Variants in INTS1 observed in about 807,000 individuals in gnomAD.
INTS1 encodes the protein integrator complex subunit 1.
A neutral mutation model predicts 241.6 loss-of-function variants in INTS1; 137 were observed. That is an observed-to-expected ratio of 0.57 (90% CI 0.49 to 0.65). The LOEUF is 0.65. Among genes scored for constraint, INTS1 ranks in the 30% least tolerant of loss-of-function variants. The pLI is 0.00. For missense variants in INTS1, 3,073 were observed against 3,032.2 expected (o/e 1.01, Z -0.32); for synonymous variants, 1,692 against 1,337.8 (o/e 1.26, Z -5.78).
intron 42 of INTS1, 28 bp from the exon 43 acceptor site, chr7:1,473,212 G>A (rs770095168): frequency 1.3e-6 from 2 of 1,530,486 alleles, no homozygotes; most frequent in Non-Finnish European, 1.8e-6. Context: ...TTTCACCTGG[G>A]AGGAAGACGC....
intron 43 of INTS1, 142 bp from the exon 44 acceptor site, chr7:1,472,528 G>C: frequency 3.3e-6 from 2 of 603,010 alleles, no homozygotes; most frequent in South Asian, 4.1e-5. Context: ...TCCACAAATG[G>C]GGTGGAGCCA....
rs1488171483 is a variant in INTS1, at chr7:1,473,092, C to G, written c.6050G>C (p.Gly2017Ala). The change falls in exon 43 of 48, where the codon GGC becomes GCC. Residue 2017 changes from glycine to alanine, a missense_variant. Coordinates refer to ENST00000404767, the MANE Select transcript of INTS1 (RefSeq NM_001080453.3). Reference protein sequence around the residue: ...LPSRDDRTDRGLDEEGEEESS... With the variant: ...LPSRDDRTDRALDEEGEEESS... ...CTCACCCTCGCCCTCTTCGTCCAGG[C>G]CTCGGTCGGTCCTGTCGTCCCTGCT... 6.2e-7 allele frequency: 1 copy of G among 1,609,496 alleles called. No homozygotes were observed. The highest frequency in any genetic ancestry group is 8.5e-7 in the Non-Finnish European group (1 of 1,177,676).
intron 3 of INTS1, chr7:1,500,874 AC>A: frequency 6.5e-6 from 1 of 154,350 alleles, no homozygotes; most frequent in Non-Finnish European, 1.4e-5. Context: ...TCTGAGGAGC[AC>A]CAGGGCCAGC....
intron 31 of INTS1, 77 bp from the exon 32 acceptor site, chr7:1,478,962 C>A (rs1243166495): frequency 1.4e-6 from 2 of 1,476,622 alleles, no homozygotes; most frequent in Non-Finnish European, 9.1e-7. Flanking sequence ...CAGAGCAGGG[C>A]CCGTGAGGCT....
At position 1,475,442 on chromosome 7, in the gene INTS1, G is replaced by GA. The variant is rs560387498; in HGVS notation, c.5502+505dup. 5.9e-5 allele frequency among the ~76,000 whole-genome samples: 9 copies of GA among 152,078 alleles called. No homozygotes were observed. In the East Asian group the frequency reaches 1.6e-3, roughly 26 times the overall value. On this transcript the variant is annotated intron_variant, in intron 39 of 47. Coordinates refer to ENST00000404767, the MANE Select transcript of INTS1 (RefSeq NM_001080453.3). ...TCAACAAATAAAATGACATATAAGTGAAAAAAACCACAAGCAGAAATGATT... is the reference window on the plus strand; with the variant it reads ...TCAACAAATAAAATGACATATAAGTGAAAAAAAACCACAAGCAGAAATGATT...
intron 39 of INTS1, 42 bp downstream of exon 39, chr7:1,475,906 C>A (rs1387829244): frequency 2.0e-6 from 3 of 1,520,876 alleles, no homozygotes; most frequent in South Asian, 2.4e-5. Context: ...CCGGCCAGGG[C>A]ACCTGGGACG....
Position 1,481,372 on chromosome 7 carries a change from G to T in INTS1, c.3820C>A (p.Gln1274Lys). The part of the protein sequence containing the change: ...FLDQAVAHDP[Q>K]TLEQNIMDKN... ...TCCATGATGTTCTGCTCCAGAGTCT[G>T]GGGGTCGTGGGCCACTGCCTGGTCC... The change falls in exon 28 of 48, where the codon CAG becomes AAG. Residue 1274 changes from glutamine (Q) to lysine (K), a missense_variant. Transcript: ENST00000404767. The surrounding 1 kb of genome is among the most constrained non-coding windows in gnomAD (Gnocchi z 6.8). 1 of 1,613,030 alleles carries T rather than the reference G, an allele frequency of 6.2e-7. No homozygotes were observed. The highest frequency in any genetic ancestry group is 8.5e-7 in the Non-Finnish European group (1 of 1,179,764).
chr7:1,480,270 A>G (rs1480010019), intron 30 of INTS1, 47 bp downstream of exon 30: 4 of 1,563,012 alleles, frequency 2.6e-6, no homozygotes, highest in Non-Finnish European at 3.5e-6. Flanking sequence ...GGCTGCACGC[A>G]GGAAGAGGGG....
intron 14 of INTS1, among the ~76,000 whole-genome samples, chr7:1,494,271 C>T (rs912914256): frequency 6.6e-6 from 1 of 152,248 alleles, no homozygotes; most frequent in Non-Finnish European, 1.5e-5. Flanking sequence ...ATAACCCCTA[C>T]ACCTCCAAAG....
At position 1,474,234 on chromosome 7, in the gene INTS1, G is replaced by T. The variant is rs763171465; in HGVS notation, c.5763C>A (p.His1921Gln). 1.9e-6 allele frequency: 3 copies of T among 1,602,174 alleles called. No individual in the cohort carries two copies. The highest frequency in any genetic ancestry group is 2.6e-6 in the Non-Finnish European group (3 of 1,175,958). The part of the protein sequence containing the change: ...VLGLLELLQP[H>Q]VFRSEHQGAL... Reference sequence around the variant, plus strand: ...CCCCCTGGTGCTCGCTGCGGAACACGTGCGGCTGCAGCAGCTCCAGCAGGC... The same window carrying T: ...CCCCCTGGTGCTCGCTGCGGAACACTTGCGGCTGCAGCAGCTCCAGCAGGC... The change falls in exon 41 of 48, where the codon CAC becomes CAA. Residue 1921 changes from histidine to glutamine, a missense_variant. Transcript: ENST00000404767.
intron 36 of INTS1, 44 bp from the exon 37 acceptor site, chr7:1,476,701 A>G: frequency 6.2e-7 from 1 of 1,611,964 alleles, no homozygotes; most frequent in South Asian, 1.1e-5. Context: ...GTCTCGTCTC[A>G]GCATGGGAGA....
rs183617720 is a variant in INTS1, at chr7:1,504,173, G to A, written c.-42+150C>T. On this transcript the variant is annotated intron_variant, in intron 1 of 47. Coordinates refer to ENST00000404767, the MANE Select transcript of INTS1 (RefSeq NM_001080453.3). ...GGGACCCCGCCTCCCAGCCGCCCGGGAGCGGCTCAGTCGGGCGGCAGCAGG... is the reference window on the plus strand; with the variant it reads ...GGGACCCCGCCTCCCAGCCGCCCGGAAGCGGCTCAGTCGGGCGGCAGCAGG... 6.8e-3 allele frequency: 3,671 copies of A among 538,594 alleles called. 121 individuals are homozygous for A. Among genetic ancestry groups the A allele is most frequent in the African/African-American group, 0.066 (3,227 of 49,036 alleles). 33.4% of individuals were successfully genotyped at this position (538,594 alleles called of 1,614,324 possible). A position where few individuals can be genotyped will look rare whatever the true frequency, so the allele number is the denominator to read the frequency against.
chr7:1,476,961 A>G, intron 35 of INTS1, 43 bp from the exon 36 acceptor site: 1 of 1,582,812 alleles, frequency 6.3e-7, no homozygotes, highest in Non-Finnish European at 8.6e-7. Context: ...ACCTGGGCCA[A>G]TGGCAGGCTC....
chr7:1,477,346 G>A (rs1170788080), intron 35 of INTS1, among the ~76,000 whole-genome samples: 1 of 152,202 alleles, frequency 6.6e-6, no homozygotes, highest in African/African-American at 2.4e-5. Context: ...TGGTCCACAG[G>A]TGACTGTGAC....
rs769783214 is a variant in INTS1, at chr7:1,483,953, AGCCGTAGACCTCCTCGCCCTCACCCG to A, written c.3429+24_3429+49del. 166 of 1,590,336 alleles carry A rather than the reference AGCCGTAGACCTCCTCGCCCTCACCCG, an allele frequency of 1.0e-4. 2 individuals carry two copies. The highest frequency in any genetic ancestry group is 3.4e-4 in the Middle Eastern group (2 of 5,800). ...CCGAGCGTGCCGTGCAGCCTCACCC[AGCCGTAGACCTCCTCGCCCTCACCCG>A]GCCGTAGACCTCCTCGCCCTCACCC... On this transcript the variant is annotated intron_variant, in intron 25 of 47. Coordinates refer to ENST00000404767, the MANE Select transcript of INTS1 (RefSeq NM_001080453.3).
In INTS1 at chr7:1,499,202, C is replaced by G. The variant is rs762444034; in HGVS notation, c.951-41G>C. The G allele has an allele frequency of 3.7e-6, 6 of 1,603,590 alleles. No individual in the cohort carries two copies. In the East Asian group the frequency reaches 1.3e-4, roughly 36 times the overall value. On this transcript the variant is annotated intron_variant, in intron 7 of 47. Coordinates refer to ENST00000404767, the MANE Select transcript of INTS1 (RefSeq NM_001080453.3). The stretch of plus-strand genomic sequence containing the variant: ...GAGCGAGGAGGGAGGAAGGTGGCCC[C>G]GAGGCGCCCGCCCCCGCCGCCCCCA...
rs779795325 is a variant in INTS1 at position 1,503,012 on chromosome 7, G to C, written c.238C>G (p.Leu80Val). ...GCACTCAGAGGGGGTGTGGAGGAGAGTTTGGGGCGTTTGGTGAGACCGGTG... is the reference window on the plus strand; with the variant it reads ...GCACTCAGAGGGGGTGTGGAGGAGACTTTGGGGCGTTTGGTGAGACCGGTG... ...ALTGLTKRPKLSSTPPLSALG... is the reference protein window; with the variant it reads ...ALTGLTKRPKVSSTPPLSALG... The change falls in exon 3 of 48, where the codon CTC becomes GTC. Residue 80 changes from leucine (L) to valine (V), a missense_variant. Transcript: ENST00000404767. 2.5e-6 allele frequency: 4 copies of C among 1,613,814 alleles called. No homozygotes were observed. The South Asian group carries it at 3.3e-5, about 13-fold the overall frequency.
rs771802043 is a variant in INTS1 at position 1,503,024 on chromosome 7, T to C, written c.226A>G (p.Lys76Glu). 1.2e-6 allele frequency: 2 copies of C among 1,613,732 alleles called. No homozygotes were observed. The highest frequency in any genetic ancestry group is 1.7e-6 in the Non-Finnish European group (2 of 1,179,868). Residue 76 changes from lysine (K) to glutamate (E), a missense_variant, in exon 3 of 48, where the codon AAA becomes GAA. Physicochemically the swap from Lys to Glu is moderately conservative, Grantham distance 56. Transcript: ENST00000404767. ...GGTGTGGAGGAGAGTTTGGGGCGTTTGGTGAGACCGGTGAGGGCCGAGGCA... is the reference window on the plus strand; with the variant it reads ...GGTGTGGAGGAGAGTTTGGGGCGTTCGGTGAGACCGGTGAGGGCCGAGGCA... ...SSASALTGLT[K>E]RPKLSSTPPL...
At position 1,495,474 on chromosome 7, in the gene INTS1, G is replaced by A. The variant is rs754243194; in HGVS notation, c.1791C>T (p.Val597=). The change falls in exon 13 of 48, where the codon GTC becomes GTT. Residue 597 remains valine, a synonymous_variant. Transcript: ENST00000404767. ...RDAVWWLHTV[V]PSISKLAPKD... is the part of the protein sequence containing the mutation. ...TAGGGGCGAGCTTGCTGATGGAGGG[G>A]ACCACAGTGTGGAGCCACCAGACGG... The A allele has an allele frequency of 4.3e-6, 7 of 1,612,500 alleles. No homozygotes were observed. In the South Asian group the frequency reaches 4.4e-5, roughly 10 times the overall value.
Sources: gnomAD v4.1 joint callset for allele counts (sites outside exome capture counted in the v4.1 genomes callset) on GRCh38, gnomAD v4.1.1 for gene constraint, Gnocchi (gnomAD v3.1) non-coding constraint, MANE v1.5 for transcripts, NCBI Gene and HGNC (gene_info 2026-07-23, HGNC 2026-07-21) for gene names.